CTTNBP2: variants seen among roughly 807,000 people sequenced by gnomAD.
The protein encoded by CTTNBP2 is cortactin-binding protein 2.
In CTTNBP2, 108 loss-of-function variants were observed where a neutral mutation model predicts 156.9. The ratio of observed to expected loss-of-function variants is 0.69; its 90% confidence interval spans 0.59 to 0.81. The LOEUF (loss-of-function observed/expected upper bound fraction) is 0.81. Ranked by LOEUF, CTTNBP2 falls within the 30% of genes least tolerant of loss-of-function variation. The probability of loss-of-function intolerance (pLI) is 0.00; values close to 1 mark genes in which losing one functional copy is unlikely to be tolerated. For missense variants in CTTNBP2, 1,924 were observed against 2,035.4 expected, an observed-to-expected ratio of 0.95 and a Z score of 1.05; for synonymous variants, 767 against 751.8, an observed-to-expected ratio of 1.02 and a Z score of -0.33.
intron 9 of CTTNBP2, among the ~76,000 whole-genome samples, chr7:117,766,261 A>C (rs1797479701): frequency 6.6e-6 from 1 of 152,114 alleles, no homozygotes; most frequent in African/African-American, 2.4e-5. Flanking sequence ...ATGATAAATA[A>C]AGCCTTCTGT....
intron 3 of CTTNBP2, among the ~76,000 whole-genome samples, chr7:117,799,293 T>TA (rs891794850): frequency 3.1e-4 from 47 of 151,686 alleles, no homozygotes; most frequent in Admixed American, 1.3e-4. Context: ...CACCAATATA[T>TA]AAAAAAAGTA....
At chr7:117,838,969 G>C (rs1021108487) in intron 2 of CTTNBP2, among the ~76,000 whole-genome samples, 1 of 42,446 alleles carries the variant, frequency 2.4e-5, no homozygotes, top group Non-Finnish European at 4.4e-5. Context: ...TGCGGGGGCG[G>C]GGGGGGGGCT....
Position 117,725,079 on chromosome 7 carries a change from G to C in CTTNBP2, c.4234C>G (p.Leu1412Val). ...ALSILLNKAV[L>V]HGCPLPRAEL... is the part of the protein sequence containing the mutation. Reference sequence around the variant, plus strand: ...GCTCTGGGGAGGGGACAGCCATGCAGTACAGCTTTATTTAGCAAGATGCTG... The same window carrying C: ...GCTCTGGGGAGGGGACAGCCATGCACTACAGCTTTATTTAGCAAGATGCTG... Residue 1412 changes from leucine (L) to valine (V), a missense_variant, in exon 18 of 23, where the codon CTG becomes GTG. Physicochemically the swap from Leu to Val is conservative, Grantham distance 32. Transcript: ENST00000160373. 1 of 1,612,658 alleles carries C rather than the reference G, an allele frequency of 6.2e-7. No homozygotes were observed. The highest frequency in any genetic ancestry group is 8.5e-7 in the Non-Finnish European group (1 of 1,180,014).
chr7:117,768,054 C>T (rs187386694), intron 8 of CTTNBP2, among the ~76,000 whole-genome samples: 59 of 149,994 alleles, frequency 3.9e-4, no homozygotes, highest in Non-Finnish European at 7.2e-4. Flanking sequence ...AACTAATAAC[C>T]AAAACAAGCA....
intron 8 of CTTNBP2, among the ~76,000 whole-genome samples, chr7:117,773,438 C>A (rs527513869): frequency 6.6e-6 from 1 of 152,102 alleles, no homozygotes; most frequent in Non-Finnish European, 1.5e-5. Context: ...AAGAGGGCTA[C>A]CACCTGATCA....
intron 1 of CTTNBP2, among the ~76,000 whole-genome samples, chr7:117,869,140 T>C (rs34401510): frequency 0.19 from 29,008 of 152,084 alleles, 3,593 homozygotes; most frequent in East Asian, 0.41. Flanking sequence ...AATTAAACTT[T>C]TAAAAAACCC....
intron 3 of CTTNBP2, among the ~76,000 whole-genome samples, chr7:117,802,437 C>CAAAAAAAAAAAAAAAAAAAAAAAA (rs759797673): frequency 4.8e-5 from 4 of 83,734 alleles, no homozygotes; most frequent in East Asian, 5.1e-4. Flanking sequence ...TCAGCATTGG[C>CAAAAAAAAAAAAAAAAAAAAAAAA]AAAAAAAAAA....
intron 4 of CTTNBP2, among the ~76,000 whole-genome samples, chr7:117,786,006 T>C (rs545089163): frequency 9.2e-5 from 14 of 152,358 alleles, no homozygotes; most frequent in South Asian, 2.1e-4. Flanking sequence ...ATTCTAAGCA[T>C]ATGAGAGTCA....
intron 1 of CTTNBP2, among the ~76,000 whole-genome samples, chr7:117,865,644 C>G (rs1804126816): frequency 7.3e-6 from 1 of 137,350 alleles, no homozygotes; most frequent in Non-Finnish European, 1.5e-5. Flanking sequence ...GCCACTCCAG[C>G]CTGGTGACAG....
chr7:117,729,621 G>A lies in CTTNBP2; in HGVS notation c.3877-1354C>T, dbSNP rs142050414. Among the ~76,000 whole-genome samples, 404 of 152,214 alleles carry A rather than the reference G, an allele frequency of 2.7e-3. 3 individuals are homozygous for A. Among genetic ancestry groups the A allele is most frequent in the African/African-American group, 9.2e-3 (382 of 41,532 alleles). ...AAGAGCAAGTGGTCAGTTCTGGTGC[G>A]GTTTGATGGAGTGGAGAAAGCCACC... On this transcript the variant is annotated intron_variant, in intron 16 of 22. Transcript: ENST00000160373.
At chr7:117,720,869 A>C (rs1359836718) in intron 20 of CTTNBP2, among the ~76,000 whole-genome samples, 198 bp downstream of exon 20, 6 of 152,242 alleles carry the variant, frequency 3.9e-5, no homozygotes, top group Non-Finnish European at 7.3e-5. Flanking sequence ...TATTAATCTT[A>C]ACGAACAATT....
intron 14 of CTTNBP2, 33 bp downstream of exon 14, chr7:117,745,798 G>A: frequency 7.1e-7 from 1 of 1,409,520 alleles, no homozygotes; most frequent in Admixed American, 1.7e-5. Context: ...ATGCCTTTAG[G>A]TTATCACAGG....
chr7:117,711,918 T>C (rs1399206815), intron 22 of CTTNBP2, 136 bp from the exon 23 acceptor site: 2 of 799,182 alleles, frequency 2.5e-6, no homozygotes, highest in Admixed American at 3.0e-5. Flanking sequence ...CAAAAGAAAA[T>C]GGAGAGGAGA....
intron 2 of CTTNBP2, among the ~76,000 whole-genome samples, chr7:117,812,074 G>A (rs1426807882): frequency 6.6e-6 from 1 of 151,946 alleles, no homozygotes; most frequent in East Asian, 1.9e-4. Flanking sequence ...ATAGTTCACA[G>A]AATCCCAGGA....
chr7:117,806,046 T>C (rs905658500), intron 3 of CTTNBP2, among the ~76,000 whole-genome samples: 3 of 152,228 alleles, frequency 2.0e-5, no homozygotes, highest in African/African-American at 4.8e-5. Flanking sequence ...GACTTTGTTA[T>C]GTTATTGTCG....
At chr7:117,773,648 A>C (rs886911870) in intron 8 of CTTNBP2, among the ~76,000 whole-genome samples, 1 of 95,058 alleles carries the variant, frequency 1.1e-5, no homozygotes, top group Non-Finnish European at 2.1e-5. Flanking sequence ...GCTTAGAGTT[A>C]ACACACACAC....
chr7:117,822,131 G>A (rs568675175), intron 2 of CTTNBP2, among the ~76,000 whole-genome samples: 43 of 152,002 alleles, frequency 2.8e-4, no homozygotes, highest in African/African-American at 1.0e-3. Context: ...TTTTATAAGT[G>A]GTATTTTTTC....
intron 2 of CTTNBP2, among the ~76,000 whole-genome samples, chr7:117,823,600 AG>A (rs1286070010): frequency 6.6e-6 from 1 of 152,238 alleles, no homozygotes; most frequent in Non-Finnish European, 1.5e-5. Flanking sequence ...ATTCAGAGTC[AG>A]GTCAACACTC....
At chr7:117,853,419 G>A (rs1008824653) in intron 2 of CTTNBP2, among the ~76,000 whole-genome samples, 44 of 152,102 alleles carry the variant, frequency 2.9e-4, no homozygotes, top group African/African-American at 1.0e-3. Flanking sequence ...CACTGTATAT[G>A]AGCACACTGC....
Sources: gnomAD v4.1 joint callset for allele counts (sites outside exome capture counted in the v4.1 genomes callset) on GRCh38, gnomAD v4.1.1 for gene constraint, MANE v1.5 for transcripts, NCBI Gene and HGNC (gene_info 2026-07-23, HGNC 2026-07-21) for gene names.